The following RAD52 variants were observed in gnomAD, a reference collection of about 807,000 sequenced individuals.
The protein encoded by RAD52 is RAD52 DNA repair protein, also known as DNA repair protein RAD52 homolog.
In RAD52, 47 loss-of-function variants were observed where a neutral mutation model predicts 55.5. The ratio of observed to expected loss-of-function variants is 0.85; its 90% CI spans 0.67 to 1.08. The LOEUF is 1.08. RAD52 is among the 50% of genes least tolerant of loss of function. RAD52 has a pLI of 0.00. For synonymous variants in RAD52, 184 were observed against 198.9 expected (o/e 0.92, Z 0.63); for missense variants, 468 against 522.8 (o/e 0.90, Z 1.02).
Position 955,478 on chromosome 12 carries a change from CTT to C in RAD52, c.-18-22404_-18-22403del, listed in dbSNP as rs386375365. 4.8e-3 allele frequency among the ~76,000 whole-genome samples: 674 copies of C among 140,546 alleles called. 4 individuals are homozygous for C. Among genetic ancestry groups the C allele is most frequent in the African/African-American group, 0.017 (642 of 38,460 alleles). The allele number at this position is 140,546 out of a possible 152,430, so 92.2% of individuals were successfully genotyped here. A position where few individuals can be genotyped will look rare whatever the true frequency, so the allele number is the denominator to read the frequency against. On this transcript the variant is annotated intron_variant, in intron 1 of 11. Coordinates refer to the RAD52 transcript ENST00000430095. ...CAACGTACTGTTCTTCTTCTTCTTT[CTT>C]TTTTTTTTTTTGAGACGGAGTCTCA...
intron 1 of RAD52, among the ~76,000 whole-genome samples, chr12:948,169 G>A (rs1464221281): frequency 6.6e-6 from 1 of 151,944 alleles, no homozygotes; most frequent in Non-Finnish European, 1.5e-5. Context: ...AACATAGATG[G>A]ACTTTGAATC....
rs370736734 is a variant in RAD52, at chr12:948,466, G to A, written c.-19+1136C>T. On this transcript the variant is annotated intron_variant, in intron 1 of 11. Coordinates refer to ENST00000358495, the MANE Select transcript of RAD52 (RefSeq NM_134424.4). ...TGTAATCCCTGAACTTTGGAAGGGC[G>A]AGGAGTTCGAGACCAGCCTAACCAA... Among the ~76,000 whole-genome samples the A allele has an allele frequency of 5.5e-4, 83 of 152,224 alleles. 1 individual carries two copies. The highest frequency in any genetic ancestry group is 3.3e-3 in the East Asian group (17 of 5,174).
chr12:982,293 T>C (rs1454878691), intron 1 of RAD52, among the ~76,000 whole-genome samples: 1 of 152,222 alleles, frequency 6.6e-6, no homozygotes, highest in East Asian at 1.9e-4. Context: ...CTGAATAAAT[T>C]TGTAAATTGC....
intron 1 of RAD52, among the ~76,000 whole-genome samples, chr12:935,117 AAATAAT>A (rs1312626878): frequency 1.3e-5 from 2 of 151,476 alleles, no homozygotes; most frequent in African/African-American, 4.8e-5. Flanking sequence ...TCCATCTCAA[AAATAAT>A]AATAATAAAG....
At chr12:913,864 A>C (rs1442698800) in intron 11 of RAD52, 30 bp downstream of exon 11, 1 of 1,577,390 alleles carries the variant, frequency 6.3e-7, no homozygotes, top group East Asian at 2.2e-5. Flanking sequence ...ATCTCCCCTT[A>C]ATTTTTGTGC....
intron 1 of RAD52, among the ~76,000 whole-genome samples, chr12:971,773 G>A (rs556813785): frequency 2.0e-5 from 3 of 151,020 alleles, no homozygotes; most frequent in Non-Finnish European, 4.4e-5. Flanking sequence ...TTTTTGAGAC[G>A]GAGTCTCGCT....
rs530718506 is a variant in RAD52, at chr12:912,363, G to A, written c.*1028C>T. 13 of 202,386 alleles carry A rather than the reference G, an allele frequency of 6.4e-5. No homozygotes were observed. Among genetic ancestry groups the A allele is most frequent in the Non-Finnish European group, 1.1e-4 (11 of 98,456 alleles). The allele number at this position is 202,386 out of a possible 1,614,324, so 12.5% of individuals were successfully genotyped here. A position where few individuals can be genotyped will look rare whatever the true frequency, so the allele number is the denominator to read the frequency against. The stretch of plus-strand genomic sequence containing the variant: ...GTGTATCTTCTTATACAAAAACTCT[G>A]TTTCATGCACAAAATTATGTGTATG... On this transcript the variant is annotated 3_prime_UTR_variant, in exon 12 of 12. Transcript: ENST00000358495.
intron 1 of RAD52, among the ~76,000 whole-genome samples, chr12:983,754 C>A (rs1031334655): frequency 3.3e-5 from 5 of 152,100 alleles, no homozygotes; most frequent in African/African-American, 9.7e-5. Flanking sequence ...AGGACCTTTT[C>A]TCTGATGTTT....
At chr12:987,298 C>A (rs1951185741) in intron 1 of RAD52, among the ~76,000 whole-genome samples, 2 of 152,036 alleles carry the variant, frequency 1.3e-5, no homozygotes. Flanking sequence ...CTTTTATGGG[C>A]TCCTTTTTTT....
At chr12:980,853 T>C (rs1187780660) in intron 1 of RAD52, among the ~76,000 whole-genome samples, 1 of 152,140 alleles carries the variant, frequency 6.6e-6, no homozygotes, top group Non-Finnish European at 1.5e-5. Context: ...ATGACCTCAC[T>C]GGGGATTAGG....
At chr12:966,578 CT>C (rs536718276) in intron 1 of RAD52, among the ~76,000 whole-genome samples, 227 of 149,550 alleles carry the variant, frequency 1.5e-3, no homozygotes, top group South Asian at 3.6e-3. Flanking sequence ...CTTCTATTGG[CT>C]TTTTTTTTTC....
intron 1 of RAD52, among the ~76,000 whole-genome samples, chr12:935,979 G>A (rs1957603751): frequency 6.6e-6 from 1 of 151,456 alleles, no homozygotes; most frequent in Admixed American, 6.6e-5. Flanking sequence ...TCAGGTGTGA[G>A]CCACCATGCC....
chr12:924,891 T>C (rs1201941500), intron 7 of RAD52, among the ~76,000 whole-genome samples: 2 of 151,972 alleles, frequency 1.3e-5, no homozygotes, highest in East Asian at 3.9e-4. Flanking sequence ...CAACCACAGT[T>C]CACTACCTAC....
At chr12:924,038 G>A (rs1303805274) in intron 7 of RAD52, among the ~76,000 whole-genome samples, 28 of 147,092 alleles carry the variant, frequency 1.9e-4, no homozygotes, top group Admixed American at 9.0e-4. Context: ...CAGCCTGGGC[G>A]ACAGAGTGAG....
chr12:931,707 A>G (rs1957333939), intron 2 of RAD52, among the ~76,000 whole-genome samples: 2 of 152,220 alleles, frequency 1.3e-5, no homozygotes, highest in Admixed American at 6.5e-5. Context: ...TACCATCCTT[A>G]TAAATGTTTC....
At chr12:961,224 C>G (rs889194359) in intron 1 of RAD52, among the ~76,000 whole-genome samples, 2 of 144,196 alleles carry the variant, frequency 1.4e-5, no homozygotes, top group South Asian at 2.3e-4. Context: ...GCAGGAGAAT[C>G]GCTTGAACCT....
rs373924988 is a variant in RAD52, at chr12:912,015, C to CG, written c.*1375_*1376insC. ...CTCCAGCCTGCGCTACAGAGCCAGA[C>CG]CCCCCCTCTCAAAAAAAAAGTTGTT... On this transcript the variant is annotated 3_prime_UTR_variant, in exon 12 of 12. Coordinates refer to ENST00000358495, the MANE Select transcript of RAD52 (RefSeq NM_134424.4). 1.6e-4 allele frequency: 5 copies of CG among 30,742 alleles called. No individual in the cohort carries two copies. Among genetic ancestry groups the CG allele is most frequent in the Non-Finnish European group, 2.9e-4 (5 of 17,200 alleles). 1.9% of individuals were successfully genotyped at this position (30,742 alleles called of 1,614,324 possible).
At chr12:935,761 G>A (rs932830649) in intron 1 of RAD52, among the ~76,000 whole-genome samples, 9 of 151,856 alleles carry the variant, frequency 5.9e-5, no homozygotes, top group African/African-American at 2.2e-4. Context: ...GCTGAGGCAA[G>A]AGAATCGCTT....
At chr12:982,072 C>G (rs2154121935) in intron 1 of RAD52, among the ~76,000 whole-genome samples, 1 of 152,308 alleles carries the variant, frequency 6.6e-6, no homozygotes, top group Middle Eastern at 3.4e-3. Context: ...GAATGGCAGC[C>G]TTGTTGCTAA....
Sources: gnomAD v4.1 joint callset for allele counts (sites outside exome capture counted in the v4.1 genomes callset) on GRCh38, gnomAD v4.1.1 for gene constraint, MANE v1.5 for transcripts, NCBI Gene and HGNC (gene_info 2026-07-23, HGNC 2026-07-21) for gene names.